SDK1: variants seen among roughly 807,000 people sequenced by gnomAD.
SDK1 encodes the protein protein sidekick-1.
SDK1 carries 157 observed loss-of-function variants against 245.5 expected under a neutral mutation model. The ratio of observed to expected loss-of-function variants is 0.64; its 90% CI spans 0.56 to 0.73. The LOEUF is 0.73. Ranked by LOEUF, SDK1 falls within the 30% of genes least tolerant of loss-of-function variation. The pLI, the probability that SDK1 is intolerant of heterozygous loss-of-function variation, is 0.00. For synonymous variants in SDK1, 1,647 were observed against 1,278.5 expected (o/e 1.29, Z -6.15); for missense variants, 3,583 against 3,002.3 (o/e 1.19, Z -4.52).
intron 1 of SDK1, among the ~76,000 whole-genome samples, chr7:3,561,723 T>C (rs935502377): frequency 2.0e-5 from 3 of 152,198 alleles, no homozygotes; most frequent in African/African-American, 7.2e-5. Context: ...GCAGGAGATA[T>C]TATTAAAGGC....
chr7:3,403,223 C>T (rs1484441310), intron 1 of SDK1, among the ~76,000 whole-genome samples: 2 of 152,126 alleles, frequency 1.3e-5, no homozygotes, highest in African/African-American at 4.8e-5. Flanking sequence ...TGTGAGTCAC[C>T]ATGCCTGACC....
chr7:4,169,031 C>T (rs1781672185), intron 32 of SDK1, among the ~76,000 whole-genome samples: 2 of 152,166 alleles, frequency 1.3e-5, no homozygotes, highest in South Asian at 4.2e-4. Context: ...CAGGCATGTG[C>T]TGGGTGAGAG....
intron 4 of SDK1, among the ~76,000 whole-genome samples, chr7:3,704,327 G>A (rs1379843774): frequency 6.7e-6 from 1 of 148,476 alleles, no homozygotes; most frequent in Non-Finnish European, 1.5e-5. Context: ...CGCATTGTTC[G>A]ATGGGCACTT....
chr7:3,514,928 C>CA (rs1782694771), intron 1 of SDK1, among the ~76,000 whole-genome samples: 1 of 152,192 alleles, frequency 6.6e-6, no homozygotes, highest in Non-Finnish European at 1.5e-5. Context: ...GTGACAAGAG[C>CA]AAAAGAAACA....
chr7:3,523,406 G>C (rs1783009904), intron 1 of SDK1, among the ~76,000 whole-genome samples: 1 of 152,060 alleles, frequency 6.6e-6, no homozygotes, highest in African/African-American at 2.4e-5. Flanking sequence ...GTCTACCACG[G>C]GTCCAGCGAG....
intron 5 of SDK1, among the ~76,000 whole-genome samples, chr7:3,829,911 T>G (rs1779872989): frequency 1.3e-5 from 2 of 152,168 alleles, no homozygotes; most frequent in South Asian, 4.1e-4. Flanking sequence ...AAACACAGGT[T>G]TGGCTCAAGG....
chr7:4,093,079 G>C (rs1225775634), intron 22 of SDK1, among the ~76,000 whole-genome samples: 1 of 151,958 alleles, frequency 6.6e-6, no homozygotes, highest in Non-Finnish European at 1.5e-5. Flanking sequence ...CCATTGAAAG[G>C]CCCTATAATA....
At chr7:3,835,894 C>T (rs1241762525) in intron 5 of SDK1, among the ~76,000 whole-genome samples, 1 of 152,198 alleles carries the variant, frequency 6.6e-6, no homozygotes, top group Non-Finnish European at 1.5e-5. Flanking sequence ...CAAACCTTTG[C>T]CTGTTTTAAA....
At chr7:3,931,981 T>C (rs567873081) in intron 5 of SDK1, among the ~76,000 whole-genome samples, 23 of 152,336 alleles carry the variant, frequency 1.5e-4, no homozygotes, top group African/African-American at 5.1e-4. Flanking sequence ...AGTTGCTGGG[T>C]GCCTGAACCA....
chr7:3,694,560 G>T (rs747350000), intron 4 of SDK1, among the ~76,000 whole-genome samples: 3 of 119,666 alleles, frequency 2.5e-5, no homozygotes, highest in Non-Finnish European at 3.6e-5. Flanking sequence ...GGTCTGGAAA[G>T]AATGTATTTA....
At chr7:4,147,221 C>T (rs1780041253) in intron 29 of SDK1, among the ~76,000 whole-genome samples, 1 of 152,180 alleles carries the variant, frequency 6.6e-6, no homozygotes, top group African/African-American at 2.4e-5. Flanking sequence ...TGCTCTGTTG[C>T]CCAGGCTGGA....
intron 5 of SDK1, among the ~76,000 whole-genome samples, chr7:3,882,698 G>A (rs1019817098): frequency 2.0e-5 from 3 of 151,990 alleles, no homozygotes; most frequent in Non-Finnish European, 2.9e-5. Flanking sequence ...CTTAGACACC[G>A]CTGTTGTCAC....
intron 28 of SDK1, among the ~76,000 whole-genome samples, chr7:4,143,610 C>T (rs774406943): frequency 1.6e-4 from 25 of 152,198 alleles, no homozygotes; most frequent in Non-Finnish European, 1.0e-4. Context: ...GTGTGTCCTT[C>T]CTTTGAAGGG....
intron 1 of SDK1, among the ~76,000 whole-genome samples, chr7:3,440,813 C>A (rs1316298006): frequency 6.6e-6 from 1 of 152,092 alleles, no homozygotes; most frequent in East Asian, 1.9e-4. Context: ...GTTATGGCCA[C>A]AATGTGTATT....
chr7:4,172,307 G>A (rs554164204), intron 32 of SDK1, among the ~76,000 whole-genome samples: 2 of 152,268 alleles, frequency 1.3e-5, no homozygotes, highest in South Asian at 2.1e-4. Context: ...GGGTACACAC[G>A]GTGCCCCTCT....
At chr7:3,485,214 A>G (rs1232874829) in intron 1 of SDK1, among the ~76,000 whole-genome samples, 2 of 152,124 alleles carry the variant, frequency 1.3e-5, no homozygotes, top group Non-Finnish European at 2.9e-5. Context: ...GTGAGATGAA[A>G]TCTCACTGTG....
At chr7:3,385,524 CTT>C (rs1043268580) in intron 1 of SDK1, among the ~76,000 whole-genome samples, 1 of 151,998 alleles carries the variant, frequency 6.6e-6, no homozygotes, top group African/African-American at 2.4e-5. Flanking sequence ...ACTCCAGAAT[CTT>C]CCTGGATTAG....
chr7:3,844,019 G>A (rs929840205), intron 5 of SDK1, among the ~76,000 whole-genome samples: 10 of 152,140 alleles, frequency 6.6e-5, no homozygotes, highest in African/African-American at 2.4e-4. Context: ...TGCCCAGGCT[G>A]GAGTACAGTG....
In SDK1 at chr7:3,313,548, T is replaced by A. The variant is rs7791820; in HGVS notation, c.298+11664T>A. Among the ~76,000 whole-genome samples, 69 of 152,138 alleles carry A rather than the reference T, an allele frequency of 4.5e-4. 1 individual carries two copies. In the East Asian group the frequency reaches 0.01, roughly 23 times the overall value. On this transcript the variant is annotated intron_variant, in intron 1 of 44. Coordinates refer to ENST00000404826, the MANE Select transcript of SDK1 (RefSeq NM_152744.4). ...GTAAAGTGCTAAATGATAGGAAGCA[T>A]TGTTGCAATGTGCCCCTTAAATTTA...
Sources: gnomAD v4.1 joint callset for allele counts (sites outside exome capture counted in the v4.1 genomes callset) on GRCh38, gnomAD v4.1.1 for gene constraint, MANE v1.5 for transcripts, NCBI Gene and HGNC (gene_info 2026-07-23, HGNC 2026-07-21) for gene names.